Variants in ATP2B2 observed in about 807,000 individuals in gnomAD.
The protein encoded by ATP2B2 is plasma membrane calcium-transporting ATPase 2.
In ATP2B2, 15 loss-of-function variants were observed where a neutral mutation model predicts 120.0. The ratio of observed to expected loss-of-function variants is 0.12; its 90% CI spans 0.08 to 0.19. The LOEUF is 0.19. Among genes scored for constraint, ATP2B2 ranks in the 10% least tolerant of loss-of-function variants. The pLI is 1.00. For missense variants in ATP2B2, 1,045 were observed against 1,719.8 expected, an observed-to-expected ratio of 0.61 and a Z score of 6.94; for synonymous variants, 694 against 700.3, an observed-to-expected ratio of 0.99 and a Z score of 0.14.
intron 2 of ATP2B2, among the ~76,000 whole-genome samples, chr3:10,563,292 G>A (rs1160447376): frequency 6.6e-6 from 1 of 151,968 alleles, no homozygotes; most frequent in East Asian, 1.9e-4. Context: ...TCACACTGCT[G>A]AGCAGTGGCT....
chr3:10,358,992 C>A, intron 13 of ATP2B2, 67 bp from the exon 14 acceptor site: 1 of 1,463,348 alleles, frequency 6.8e-7, no homozygotes. Context: ...TAGAGACCAC[C>A]TCCCCACCCT....
chr3:10,679,537 T>C (rs2125700811), intron 1 of ATP2B2, among the ~76,000 whole-genome samples: 1 of 152,166 alleles, frequency 6.6e-6, no homozygotes, highest in Admixed American at 6.5e-5. Context: ...TCTTGTCCAG[T>C]TTGGGGGATA....
At chr3:10,589,286 C>G (rs911594143) in intron 2 of ATP2B2, among the ~76,000 whole-genome samples, 90 of 152,154 alleles carry the variant, frequency 5.9e-4, no homozygotes, top group African/African-American at 2.0e-3. Flanking sequence ...AGGATTTGGT[C>G]TCTCTACAGG....
At chr3:10,490,690 C>T (rs957875436) in intron 1 of ATP2B2, among the ~76,000 whole-genome samples, 14 of 152,242 alleles carry the variant, frequency 9.2e-5, no homozygotes, top group East Asian at 7.7e-4. Flanking sequence ...TGAGCCACCG[C>T]GCCCAGCAAT....
At chr3:10,463,832 G>A (rs551436079) in intron 1 of ATP2B2, among the ~76,000 whole-genome samples, 8 of 152,324 alleles carry the variant, frequency 5.3e-5, no homozygotes, top group African/African-American at 1.7e-4. Flanking sequence ...TTCTCCATTC[G>A]TCCCTGAAAC....
chr3:10,447,803 C>T (rs3774135), intron 2 of ATP2B2, among the ~76,000 whole-genome samples: 19,711 of 152,218 alleles, frequency 0.13, 4,174 homozygotes, highest in African/African-American at 0.44. Flanking sequence ...GCCAGAATCA[C>T]ACTATGAGGA....
intron 2 of ATP2B2, among the ~76,000 whole-genome samples, chr3:10,412,844 G>A (rs908953183): frequency 2.0e-5 from 3 of 152,122 alleles, no homozygotes; most frequent in African/African-American, 7.2e-5. Context: ...AATGGGCCCC[G>A]CAGCGGGGCA....
At chr3:10,476,191 C>T (rs1458151906) in intron 1 of ATP2B2, among the ~76,000 whole-genome samples, 1 of 152,192 alleles carries the variant, frequency 6.6e-6, no homozygotes, top group Non-Finnish European at 1.5e-5. Context: ...AGGGCCTTGG[C>T]ATTATGACAG....
rs183315293 is a variant in ATP2B2, at chr3:10,436,769, C to T, written c.199+12576G>A. On this transcript the variant is annotated intron_variant, in intron 2 of 22. Transcript: ENST00000360273. ...TTACGACCGACGTGCCTTAGTGGAG[C>T]GACATCGGCACACAGGCAGAAACAG... Among the ~76,000 whole-genome samples, 278 of 152,256 alleles carry T rather than the reference C, an allele frequency of 1.8e-3. 2 individuals carry two copies. The highest frequency in any genetic ancestry group is 0.012 in the Admixed American group (182 of 15,298).
At chr3:10,616,404 A>T (rs2069387805) in intron 2 of ATP2B2, among the ~76,000 whole-genome samples, 1 of 152,148 alleles carries the variant, frequency 6.6e-6, no homozygotes, top group South Asian at 2.1e-4. Flanking sequence ...AGCCCTGCCA[A>T]CACCTTGGTC....
intron 1 of ATP2B2, chr3:10,626,208 G>A (rs1320135718): frequency 6.6e-6 from 1 of 152,230 alleles, no homozygotes. Context: ...CCAGAAGAGA[G>A]AGGCATTGCC....
At chr3:10,447,738 C>T (rs1213292150) in intron 2 of ATP2B2, among the ~76,000 whole-genome samples, 1 of 152,262 alleles carries the variant, frequency 6.6e-6, no homozygotes, top group Admixed American at 6.5e-5. Context: ...CCAGAAGTCT[C>T]CAAGCAAAGC....
At chr3:10,414,810 C>T (rs890519476) in intron 2 of ATP2B2, among the ~76,000 whole-genome samples, 6 of 152,276 alleles carry the variant, frequency 3.9e-5, no homozygotes, top group South Asian at 4.1e-4. Flanking sequence ...CCCCAGCCCC[C>T]GCCCTTGCCC....
At chr3:10,449,980 TGCCCC>T in intron 1 of ATP2B2, 118 bp from the exon 2 acceptor site, 2 of 310,678 alleles carry the variant, frequency 6.4e-6, no homozygotes, top group South Asian at 3.0e-5. Context: ...ACTACACCCA[TGCCCC>T]CTAACACACC....
At chr3:10,488,233 C>T (rs1483415783) in intron 1 of ATP2B2, among the ~76,000 whole-genome samples, 1 of 104,458 alleles carries the variant, frequency 9.6e-6, no homozygotes, top group African/African-American at 4.1e-5. Context: ...ACTCATCCAC[C>T]TATCCATCCA....
At chr3:10,372,109 G>A (rs776022286) in intron 11 of ATP2B2, 58 bp from the exon 12 acceptor site, 6 of 1,612,208 alleles carry the variant, frequency 3.7e-6, no homozygotes, top group Non-Finnish European at 5.1e-6. Flanking sequence ...GGAGCATGGG[G>A]TGCCTGGAGG....
chr3:10,642,028 C>T (rs943522994), intron 1 of ATP2B2, among the ~76,000 whole-genome samples: 3 of 151,922 alleles, frequency 2.0e-5, no homozygotes, highest in African/African-American at 7.3e-5. Context: ...ATTCATCCAT[C>T]ATTCACCCCT....
rs13066711 is a variant in ATP2B2 at position 10,582,221 on chromosome 3, C to T, written c.-415+37696G>A. ...TTCTTGGGGGGACCGGGGATCTGGGCGTGTTGGCCAGAATTGCTGCAGGGG... is the reference window on the plus strand; with the variant it reads ...TTCTTGGGGGGACCGGGGATCTGGGTGTGTTGGCCAGAATTGCTGCAGGGG... On this transcript the variant is annotated intron_variant, in intron 2 of 21. Transcript: ENST00000646379. 1.3e-4 allele frequency among the ~76,000 whole-genome samples: 19 copies of T among 151,988 alleles called. No homozygotes were observed. The East Asian group carries it at 3.3e-3, about 26-fold the overall frequency.
intron 12 of ATP2B2, among the ~76,000 whole-genome samples, chr3:10,360,706 C>T (rs765064705): frequency 6.6e-6 from 1 of 152,214 alleles, no homozygotes; most frequent in Non-Finnish European, 1.5e-5. Context: ...AACACAAGTA[C>T]CACAACTGAG....
Sources: gnomAD v4.1 joint callset for allele counts (sites outside exome capture counted in the v4.1 genomes callset) on GRCh38, gnomAD v4.1.1 for gene constraint, MANE v1.5 for transcripts, NCBI Gene and HGNC (gene_info 2026-07-23, HGNC 2026-07-21) for gene names.